The following GFOD1 variants were observed in gnomAD, a reference collection of about 807,000 sequenced individuals.
GFOD1 encodes the protein glucose-fructose oxidoreductase domain-containing protein 1.
A neutral mutation model predicts 25.4 loss-of-function variants in GFOD1; 9 were observed. The ratio of observed to expected loss-of-function variants is 0.35; its 90% CI spans 0.21 to 0.62. GFOD1 has a LOEUF of 0.62. Ranked by LOEUF, GFOD1 falls within the 20% of genes least tolerant of loss-of-function variation. GFOD1 has a pLI of 0.72. For synonymous variants in GFOD1, 253 were observed against 245.6 expected (o/e 1.03, Z -0.28); for missense variants, 403 against 556.9 (o/e 0.72, Z 2.78).
intron 1 of GFOD1, 117 bp downstream of exon 1, chr6:13,486,521 C>G (rs1323207690): frequency 3.6e-6 from 3 of 830,276 alleles, no homozygotes; most frequent in Non-Finnish European, 5.6e-6. Context: ...ATCCCCGGGG[C>G]AGCGTAGATG....
At chr6:13,485,821 C>T (rs1395963436) in intron 1 of GFOD1, among the ~76,000 whole-genome samples, 1 of 152,210 alleles carries the variant, frequency 6.6e-6, no homozygotes, top group Non-Finnish European at 1.5e-5. Flanking sequence ...GCCTCTGGAG[C>T]TACTGCGCCC....
chr6:13,393,783 T>TC (rs1785667793), intron 1 of GFOD1, among the ~76,000 whole-genome samples: 7 of 142,424 alleles, frequency 4.9e-5, no homozygotes, highest in African/African-American at 1.8e-4. Context: ...TTCTTTTCTT[T>TC]TTTTTTTTTT....
intron 1 of GFOD1, among the ~76,000 whole-genome samples, chr6:13,422,296 G>A (rs1786273465): frequency 6.6e-6 from 1 of 152,150 alleles, no homozygotes; most frequent in African/African-American, 2.4e-5. Context: ...AACACATGCT[G>A]TCCGAACGGA....
At chr6:13,391,358 C>T (rs946643526) in intron 1 of GFOD1, among the ~76,000 whole-genome samples, 2 of 151,696 alleles carry the variant, frequency 1.3e-5, no homozygotes, top group African/African-American at 2.4e-5. Flanking sequence ...ATTAGCTGGG[C>T]GCAGTGGTGG....
At chr6:13,376,363 T>C (rs577562618) in intron 1 of GFOD1, among the ~76,000 whole-genome samples, 2 of 152,238 alleles carry the variant, frequency 1.3e-5, no homozygotes, top group African/African-American at 4.8e-5. Flanking sequence ...TGACAACTAC[T>C]GTACCTCGGT....
chr6:13,429,946 C>G (rs2127569975), intron 1 of GFOD1, among the ~76,000 whole-genome samples: 1 of 152,284 alleles, frequency 6.6e-6, no homozygotes, highest in East Asian at 1.9e-4. Context: ...TCTCATCTCA[C>G]ATGTTCTTCC....
chr6:13,422,465 A>G (rs1291045954), intron 1 of GFOD1, among the ~76,000 whole-genome samples: 1 of 152,178 alleles, frequency 6.6e-6, no homozygotes, highest in Non-Finnish European at 1.5e-5. Context: ...TCCCAGCTTC[A>G]ATATCATCCA....
intron 1 of GFOD1, among the ~76,000 whole-genome samples, chr6:13,479,062 CAA>C (rs11342958): frequency 3.6e-4 from 46 of 127,362 alleles, no homozygotes; most frequent in East Asian, 4.5e-4. Context: ...ATCCCTTTAC[CAA>C]AAAAAAAAAA....
chr6:13,369,111 G>A (rs1423422431), intron 1 of GFOD1, among the ~76,000 whole-genome samples: 1 of 152,244 alleles, frequency 6.6e-6, no homozygotes. Context: ...TAAGGGCTGG[G>A]TTGTTTAATG....
chr6:13,409,930 AAAAAAAAAAAGAAAG>A (rs1238968917), intron 1 of GFOD1, among the ~76,000 whole-genome samples: 1 of 143,222 alleles, frequency 7.0e-6, no homozygotes, highest in African/African-American at 2.5e-5. Flanking sequence ...TTCAAAAAAA[AAAAAAAAAAAGAAAG>A]AAAGAAACTG....
Position 13,365,619 on chromosome 6 carries a change from C to T in GFOD1, c.297G>A (p.Leu99=). The T allele has an allele frequency of 1.9e-6, 3 of 1,601,566 alleles. No homozygotes were observed. The highest frequency in any genetic ancestry group is 1.1e-5 in the South Asian group (1 of 91,060). ...CGGCCGAGGTCATGCGGAAAGCGTC[C>T]AGCGGCGTGGCCGTGCGGTCGCAGA... ...NVICDRTATP[L]DAFRMTSAAH... is the part of the protein sequence containing the mutation. Residue 99 remains leucine, a synonymous_variant, in exon 2 of 2, where the codon CTG becomes CTA. Coordinates refer to ENST00000379287, the MANE Select transcript of GFOD1 (RefSeq NM_018988.4). This position sits in a 1 kb window ranked among gnomAD's most constrained non-coding sequence, Gnocchi z 9.2.
At chr6:13,453,476 T>A (rs895417750) in intron 1 of GFOD1, among the ~76,000 whole-genome samples, 2 of 152,240 alleles carry the variant, frequency 1.3e-5, no homozygotes, top group African/African-American at 4.8e-5. Flanking sequence ...AATGCATAGT[T>A]GCAGATTTCC....
chr6:13,440,515 C>A (rs62385767), intron 1 of GFOD1, among the ~76,000 whole-genome samples: 1 of 152,108 alleles, frequency 6.6e-6, no homozygotes, highest in Non-Finnish European at 1.5e-5. Flanking sequence ...ATTTGTGAAC[C>A]ATGTACACCT....
chr6:13,483,797 G>C (rs140134513), intron 1 of GFOD1, among the ~76,000 whole-genome samples: 4 of 152,150 alleles, frequency 2.6e-5, no homozygotes, highest in African/African-American at 7.2e-5. Context: ...GTAGAGTGCT[G>C]GGTTCAAATC....
rs1187452822 is a variant in GFOD1 at position 13,430,602 on chromosome 6, A to G, written c.253+56036T>C. Among the ~76,000 whole-genome samples, 4 of 152,204 alleles carry G rather than the reference A, an allele frequency of 2.6e-5. No homozygotes were observed. Among genetic ancestry groups the G allele is most frequent in the Admixed American group, 2.6e-4 (4 of 15,278 alleles). ...AACACTCCTATTATGGGGTTCCCAT[A>G]GAGACGGGCAGCTTGTGTACAATGG... On this transcript the variant is annotated intron_variant, in intron 1 of 1. Transcript: ENST00000379287. The surrounding 1 kb of genome is among the most constrained non-coding windows in gnomAD (Gnocchi z 4.1).
chr6:13,475,402 C>A (rs1286805824), intron 1 of GFOD1, among the ~76,000 whole-genome samples: 1 of 151,692 alleles, frequency 6.6e-6, no homozygotes, highest in Non-Finnish European at 1.5e-5. Context: ...GGTGAAAACC[C>A]ATCTCTACTA....
At chr6:13,475,025 C>T (rs755683671) in intron 1 of GFOD1, among the ~76,000 whole-genome samples, 1 of 152,192 alleles carries the variant, frequency 6.6e-6, no homozygotes, top group Non-Finnish European at 1.5e-5. Flanking sequence ...AAAAACTCTA[C>T]GCCTTCCCCC....
chr6:13,452,660 T>C (rs1056845151), intron 1 of GFOD1, among the ~76,000 whole-genome samples: 1 of 152,224 alleles, frequency 6.6e-6, no homozygotes, highest in East Asian at 1.9e-4. Flanking sequence ...TGCCCTCTTT[T>C]TGTCTACTCC....
chr6:13,423,058 G>C (rs60341115), intron 1 of GFOD1, among the ~76,000 whole-genome samples: 2 of 152,240 alleles, frequency 1.3e-5, no homozygotes, highest in African/African-American at 4.8e-5. Flanking sequence ...CTGCATGTCC[G>C]ACGGTGGCAG....
Sources: gnomAD v4.1 joint callset for allele counts (sites outside exome capture counted in the v4.1 genomes callset) on GRCh38, gnomAD v4.1.1 for gene constraint, Gnocchi (gnomAD v3.1) non-coding constraint, MANE v1.5 for transcripts, NCBI Gene and HGNC (gene_info 2026-07-23, HGNC 2026-07-21) for gene names.